The following RIPK1 variants were observed in gnomAD, a reference collection of about 807,000 sequenced individuals.
The protein encoded by RIPK1 is receptor interacting serine/threonine kinase 1, also known as receptor-interacting serine/threonine-protein kinase 1.
A neutral mutation model predicts 62.4 loss-of-function variants in RIPK1; 27 were observed. That is an observed-to-expected ratio of 0.43 (90% CI 0.32 to 0.60). The LOEUF is 0.60. Ranked by LOEUF, RIPK1 falls within the 20% of genes least tolerant of loss-of-function variation. RIPK1 has a pLI of 0.07. For missense variants in RIPK1, 735 were observed against 831.0 expected (o/e 0.88, Z 1.42); for synonymous variants, 287 against 303.2 (o/e 0.95, Z 0.55).
At chr6:3,073,746 G>A (rs560248722) in intron 1 of RIPK1, among the ~76,000 whole-genome samples, 15 of 152,268 alleles carry the variant, frequency 9.9e-5, no homozygotes, top group South Asian at 2.1e-4. Context: ...ACCTGTAGCC[G>A]GCCACTGTGC....
chr6:3,066,892 A>T (rs973134254), upstream of RIPK1, among the ~76,000 whole-genome samples: 1 of 152,002 alleles, frequency 6.6e-6, no homozygotes, highest in Admixed American at 6.6e-5. Flanking sequence ...TCACCTATCC[A>T]TCCCTCCTTC....
intron 9 of RIPK1, 79 bp downstream of exon 9, chr6:3,106,130 G>T (rs903414827): frequency 1.9e-5 from 21 of 1,114,756 alleles, no homozygotes; most frequent in Non-Finnish European, 2.6e-5. Context: ...CTCTATTATA[G>T]ATTGTGGGTT....
chr6:3,085,892 T>C (rs1759663075), intron 6 of RIPK1, among the ~76,000 whole-genome samples: 1 of 152,248 alleles, frequency 6.6e-6, no homozygotes, highest in African/African-American at 2.4e-5. Flanking sequence ...GTCCTCGAGG[T>C]TCATCTGTGT....
At position 3,083,262 on chromosome 6, in the gene RIPK1, A is replaced by G. The variant is rs539516309; in HGVS notation, c.637A>G (p.Ser213Gly). ...AKPTEKSDVY[S>G]FAVVLWAIFA... ...GCCCACAGAGAAGTCGGATGTGTAC[A>G]GCTTTGCTGTAGTACTCTGGGCGAT... The change falls in exon 5 of 11, where the codon AGC (serine) becomes GGC (glycine). Residue 213 changes from serine to glycine, a missense_variant. Physicochemically the swap from Ser to Gly is moderately conservative, Grantham distance 56. Coordinates refer to ENST00000259808, the MANE Select transcript of RIPK1 (RefSeq NM_001354930.2). 1.2e-6 allele frequency: 2 copies of G among 1,613,934 alleles called. No individual in the cohort carries two copies. The highest frequency in any genetic ancestry group is 1.7e-5 in the Admixed American group (1 of 60,020).
chr6:3,110,821 C>A lies in RIPK1; in HGVS notation c.1595C>A (p.Thr532Asn), dbSNP rs554441687. The change falls in exon 10 of 11, where the codon ACC becomes AAC. Residue 532 changes from threonine (T) to asparagine (N), a missense_variant. Around this residue, in one of 2 missense-constraint regions of RIPK1, gnomAD observed 671 missense variants for 726.2 expected, o/e 0.92. Coordinates refer to ENST00000259808, the MANE Select transcript of RIPK1 (RefSeq NM_001354930.2). ...TATGCAGATGAATCTATAAAATATA[C>A]CATATACAATAGTACTGGCATTCAG... is the stretch of plus-strand genomic sequence containing the variant. ...LPPTDESIKY[T>N]IYNSTGIQIG... The A allele has an allele frequency of 6.3e-7, 1 of 1,578,904 alleles. No individual in the cohort carries two copies. The highest frequency in any genetic ancestry group is 1.1e-5 in the South Asian group (1 of 89,198).
chr6:3,064,477 A>G (rs1361506888), upstream of RIPK1, among the ~76,000 whole-genome samples: 2 of 152,048 alleles, frequency 1.3e-5, no homozygotes, highest in Non-Finnish European at 1.5e-5. Context: ...TACCCATTCT[A>G]ATTCTTTCAG....
chr6:3,074,958 A>G (rs994385796), intron 1 of RIPK1, among the ~76,000 whole-genome samples: 2 of 151,988 alleles, frequency 1.3e-5, no homozygotes, highest in Non-Finnish European at 2.9e-5. Context: ...GGGATTACAG[A>G]CGTGAGCCAC....
intron 3 of RIPK1, 35 bp downstream of exon 3, chr6:3,077,970 G>A (rs780390219): frequency 9.9e-6 from 16 of 1,608,450 alleles, no homozygotes; most frequent in South Asian, 2.2e-5. Context: ...GATCCCCAGC[G>A]CTTGGGCCCT....
intron 6 of RIPK1, among the ~76,000 whole-genome samples, chr6:3,087,107 T>C (rs1011422236): frequency 5.3e-5 from 8 of 152,230 alleles, no homozygotes; most frequent in African/African-American, 1.9e-4. Flanking sequence ...TTCTAAAATT[T>C]TTTTCCTTAT....
At chr6:3,065,681 C>A (rs538332532), upstream of RIPK1, among the ~76,000 whole-genome samples, 3 of 152,274 alleles carry the variant, frequency 2.0e-5, no homozygotes, top group South Asian at 6.2e-4. Flanking sequence ...AAGAGACCTA[C>A]CCCCTCATAT....
intron 7 of RIPK1, among the ~76,000 whole-genome samples, chr6:3,099,846 G>C (rs112377156): frequency 2.6e-5 from 4 of 152,326 alleles, no homozygotes; most frequent in Middle Eastern, 3.4e-3. Flanking sequence ...TTTGGCTGCA[G>C]TTCTACTCTC....
At chr6:3,085,656 A>G (rs1275627507) in intron 6 of RIPK1, among the ~76,000 whole-genome samples, 1 of 152,334 alleles carries the variant, frequency 6.6e-6, no homozygotes, top group Non-Finnish European at 1.5e-5. Flanking sequence ...GGGTTTAAAT[A>G]TACGTAACAT....
intron 10 of RIPK1, among the ~76,000 whole-genome samples, chr6:3,111,654 C>G (rs959017877): frequency 2.0e-5 from 3 of 152,150 alleles, no homozygotes; most frequent in African/African-American, 7.2e-5. Flanking sequence ...CGGCTGTGTT[C>G]CAATAAAAGT....
Position 3,078,007 on chromosome 6 carries a change from G to A in RIPK1, c.321+72G>A. 4 of 1,494,286 alleles carry A rather than the reference G, an allele frequency of 2.7e-6. No individual in the cohort carries two copies. The South Asian group carries it at 4.9e-5, about 18-fold the overall frequency. The allele number at this position is 1,494,286 out of a possible 1,614,324, so 92.6% of individuals were successfully genotyped here. A position where few individuals can be genotyped will look rare whatever the true frequency, so the allele number is the denominator to read the frequency against. ...GCTGTCTGTTATGGCTCCCCTTGGG[G>A]TGTTTGTTTGCAGCTCGTTAGCATC... On this transcript the variant is annotated intron_variant, in intron 3 of 10. Transcript: ENST00000259808.
chr6:3,079,541 G>T (rs1236752959), intron 3 of RIPK1, among the ~76,000 whole-genome samples: 1 of 152,246 alleles, frequency 6.6e-6, no homozygotes, highest in Non-Finnish European at 1.5e-5. Context: ...ACCATGTAGA[G>T]ACTGCCAAAT....
chr6:3,088,171 G>C (rs1023075513), intron 6 of RIPK1, among the ~76,000 whole-genome samples: 6 of 152,194 alleles, frequency 3.9e-5, no homozygotes, highest in African/African-American at 1.4e-4. Context: ...GAACTTTCCT[G>C]ACACTGCTCT....
At chr6:3,086,746 G>A (rs915513749) in intron 6 of RIPK1, among the ~76,000 whole-genome samples, 5 of 152,166 alleles carry the variant, frequency 3.3e-5, no homozygotes, top group African/African-American at 1.2e-4. Flanking sequence ...ACCGTTTAAG[G>A]TGATTTATGG....
Position 3,068,554 on chromosome 6 carries a change from G to T in RIPK1, c.-168G>T. ...ACGGCGGGCCAGCTGCCGGAGCGCG[G>T]CGACTCCAGGGGACCCACAGCTGGG... On this transcript the variant is annotated 5_prime_UTR_variant, in exon 1 of 11. Transcript: ENST00000259808. 1 of 985,270 alleles carries T rather than the reference G, an allele frequency of 1.0e-6. No individual in the cohort carries two copies. The highest frequency in any genetic ancestry group is 4.7e-5 in the South Asian group (1 of 21,294). 61.0% of individuals were successfully genotyped at this position (985,270 alleles called of 1,614,324 possible).
chr6:3,100,387 A>G (rs1330872411), intron 7 of RIPK1, among the ~76,000 whole-genome samples: 2 of 151,876 alleles, frequency 1.3e-5, no homozygotes, highest in African/African-American at 4.8e-5. Context: ...TTGTGCCACT[A>G]CACTCCATCC....
Sources: allele counts gnomAD v4.1 joint callset (sites outside exome capture counted in the v4.1 genomes callset), GRCh38; gene constraint gnomAD v4.1.1; regional missense constraint gnomAD v4.1.1; transcripts MANE v1.5; gene names NCBI Gene and HGNC (gene_info 2026-07-23, HGNC 2026-07-21).